Variants in USP25 observed in about 807,000 individuals in gnomAD.
The protein encoded by USP25 is ubiquitin carboxyl-terminal hydrolase 25.
USP25 carries 85 observed loss-of-function variants against 158.5 expected under a neutral mutation model. The ratio of observed to expected loss-of-function variants is 0.54; its 90% CI spans 0.45 to 0.64. USP25 has a LOEUF of 0.64. USP25 is among the 30% of genes least tolerant of loss of function. The probability of loss-of-function intolerance (pLI) is 0.00; values close to 1 mark genes in which losing one functional copy is unlikely to be tolerated. For missense variants in USP25, 1,242 were observed against 1,327.3 expected (o/e 0.94, Z 1.00); for synonymous variants, 464 against 460.4 (o/e 1.01, Z -0.10).
chr21:15,775,180 T>G (rs552953287), intron 3 of USP25, among the ~76,000 whole-genome samples: 54 of 152,302 alleles, frequency 3.5e-4, no homozygotes, highest in Middle Eastern at 3.4e-3. Flanking sequence ...AAACATCTTG[T>G]TTTTTGCTTT....
rs1568882443 is a variant in USP25, at chr21:15,846,141, TATATATATATATATA to T, written c.2338-1521_2338-1507del. Among the ~76,000 whole-genome samples, 46 of 59,318 alleles carry T rather than the reference TATATATATATATATA, an allele frequency of 7.8e-4. 1 individual carries two copies. Among genetic ancestry groups the T allele is most frequent in the Non-Finnish European group, 1.1e-3 (35 of 31,626 alleles). 38.9% of individuals were successfully genotyped at this position (59,318 alleles called of 152,430 possible). A position where few individuals can be genotyped will look rare whatever the true frequency, so the allele number is the denominator to read the frequency against. The stretch of plus-strand genomic sequence containing the variant: ...GTGTGTGTATATATATATATATATA[TATATATATATATATA>T]TATTTTTTTTTTTTTTTTTTTTTTG... On this transcript the variant is annotated intron_variant, in intron 18 of 25. Transcript: ENST00000400183.
intron 3 of USP25, among the ~76,000 whole-genome samples, chr21:15,776,951 T>C (rs1311106419): frequency 1.3e-5 from 2 of 152,188 alleles, no homozygotes; most frequent in African/African-American, 4.8e-5. Context: ...AGTTTCTCTT[T>C]CTGATCATAT....
chr21:15,840,669 AC>A, intron 17 of USP25, among the ~76,000 whole-genome samples: 1 of 152,150 alleles, frequency 6.6e-6, no homozygotes, highest in Non-Finnish European at 1.5e-5. Flanking sequence ...ATGGAAGGAA[AC>A]CTTGGCCCTG....
At chr21:15,750,979 T>C (rs1431927003) in intron 1 of USP25, among the ~76,000 whole-genome samples, 1 of 152,150 alleles carries the variant, frequency 6.6e-6, no homozygotes, top group Non-Finnish European at 1.5e-5. Flanking sequence ...ACAGAAATTG[T>C]TTTCAAGGAA....
intron 4 of USP25, among the ~76,000 whole-genome samples, chr21:15,782,504 G>T (rs1004724913): frequency 7.9e-5 from 12 of 152,272 alleles, no homozygotes; most frequent in African/African-American, 2.9e-4. Flanking sequence ...AGAGACAGTC[G>T]TACAACCTTT....
rs1176333978 is a variant in USP25 at position 15,875,559 on chromosome 21, C to T, written c.3009+1033C>T. ...TAATTGTTTGTTCTGGAATAAGTGC[C>T]ATTATGAGAAATATGCACAATGATA... is the stretch of plus-strand genomic sequence containing the variant. On this transcript the variant is annotated intron_variant, in intron 24 of 25. Coordinates refer to ENST00000400183, the MANE Select transcript of USP25 (RefSeq NM_001283041.3). This position sits in a 1 kb window ranked among gnomAD's most constrained non-coding sequence, Gnocchi z 4.7. Among the ~76,000 whole-genome samples, 3 of 152,106 alleles carry T rather than the reference C, an allele frequency of 2.0e-5. No individual in the cohort carries two copies. The highest frequency in any genetic ancestry group is 4.4e-5 in the Non-Finnish European group (3 of 68,018).
In USP25 at chr21:15,879,210, A is replaced by G. The variant is rs2040207139; in HGVS notation, c.*735A>G. The G allele has an allele frequency of 6.6e-6, 1 of 152,442 alleles. No homozygotes were observed. The highest frequency in any genetic ancestry group is 1.5e-5 in the Non-Finnish European group (1 of 67,956). 9.4% of individuals were successfully genotyped at this position (152,442 alleles called of 1,614,324 possible). ...ACTGAAACTTTTATCCTTTTCTTAGATTAATCTTACTTTTTAAATGTATTT... is the reference window on the plus strand; with the variant it reads ...ACTGAAACTTTTATCCTTTTCTTAGGTTAATCTTACTTTTTAAATGTATTT... On this transcript the variant is annotated 3_prime_UTR_variant, in exon 26 of 26. Transcript: ENST00000400183.
Position 15,843,338 on chromosome 21 carries a change from G to A in USP25, c.2337+798G>A, listed in dbSNP as rs1303449082. The stretch of plus-strand genomic sequence containing the variant: ...TCCCCTTGACAACTAAAAAGAGTAC[G>A]ACATATCATAATTTTACAACACGTA... On this transcript the variant is annotated intron_variant, in intron 18 of 25. Transcript: ENST00000400183. This position sits in a 1 kb window ranked among gnomAD's most constrained non-coding sequence, Gnocchi z 4.0. 1.3e-5 allele frequency among the ~76,000 whole-genome samples: 2 copies of A among 152,060 alleles called. No individual in the cohort carries two copies. The highest frequency in any genetic ancestry group is 2.9e-5 in the Non-Finnish European group (2 of 67,988).
chr21:15,805,339 G>A, intron 7 of USP25, 81 bp downstream of exon 7: 2 of 1,293,472 alleles, frequency 1.5e-6, no homozygotes, highest in Non-Finnish European at 2.0e-6. Flanking sequence ...AAGAATATGA[G>A]ACTATTTGAG....
At chr21:15,785,323 T>G (rs2035209984) in intron 4 of USP25, among the ~76,000 whole-genome samples, 1 of 152,166 alleles carries the variant, frequency 6.6e-6, no homozygotes, top group South Asian at 2.1e-4. Context: ...CATCCCACTT[T>G]TAACAGTAGA....
chr21:15,804,844 C>T (rs572709102), intron 6 of USP25, among the ~76,000 whole-genome samples: 1 of 152,218 alleles, frequency 6.6e-6, no homozygotes, highest in East Asian at 1.9e-4. Context: ...GGAAGATATT[C>T]TTGGCTGAGT....
intron 6 of USP25, among the ~76,000 whole-genome samples, chr21:15,801,397 T>G (rs2036127553): frequency 1.3e-5 from 2 of 151,716 alleles, no homozygotes; most frequent in East Asian, 3.9e-4. Flanking sequence ...GGTTAGCCTC[T>G]CCAGGTGTCC....
chr21:15,781,557 G>T (rs2034965267), intron 4 of USP25, among the ~76,000 whole-genome samples: 1 of 152,076 alleles, frequency 6.6e-6, no homozygotes, highest in South Asian at 2.1e-4. Context: ...AGTTTATTTT[G>T]TCTGGAGTGA....
chr21:15,783,531 AT>A (rs1339804507), intron 4 of USP25, among the ~76,000 whole-genome samples: 3 of 152,216 alleles, frequency 2.0e-5, no homozygotes, highest in East Asian at 1.9e-4. Flanking sequence ...CTGTCAGTAC[AT>A]TTCTCAGCAG....
chr21:15,771,752 T>G (rs554049649), intron 3 of USP25, among the ~76,000 whole-genome samples: 84 of 152,158 alleles, frequency 5.5e-4, no homozygotes, highest in African/African-American at 1.9e-3. Flanking sequence ...GATCTGTCAG[T>G]TTTTGTATGT....
At chr21:15,758,154 C>G (rs1345377578) in intron 1 of USP25, among the ~76,000 whole-genome samples, 3 of 152,164 alleles carry the variant, frequency 2.0e-5, no homozygotes, top group Admixed American at 1.3e-4. Flanking sequence ...GCCTGGACAT[C>G]TTCATTATTA....
At chr21:15,747,817 T>C (rs1332479462) in intron 1 of USP25, among the ~76,000 whole-genome samples, 3 of 152,234 alleles carry the variant, frequency 2.0e-5, no homozygotes, top group Admixed American at 6.5e-5. Flanking sequence ...ATTTTTGGAC[T>C]ACGCTTGATC....
chr21:15,776,595 T>TA (rs1212150494), intron 3 of USP25, among the ~76,000 whole-genome samples: 2 of 151,852 alleles, frequency 1.3e-5, no homozygotes, highest in Non-Finnish European at 2.9e-5. Flanking sequence ...TTTCCTCTTC[T>TA]AAAATTGTAT....
At position 15,864,493 on chromosome 21, in the gene USP25, T is replaced by A. The variant is rs1355128294; in HGVS notation, c.2726+47T>A. 1.1e-5 allele frequency: 17 copies of A among 1,499,726 alleles called. No individual in the cohort carries two copies. The Middle Eastern group carries it at 1.3e-3, about 111-fold the overall frequency. 92.9% of individuals were successfully genotyped at this position (1,499,726 alleles called of 1,614,324 possible). A position where few individuals can be genotyped will look rare whatever the true frequency, so the allele number is the denominator to read the frequency against. ...CATATGCTCAAATCGTTCTTTTTTT[T>A]TTTCCTGCAGATTCCCAGGATAATT... On this transcript the variant is annotated intron_variant, in intron 21 of 25. Coordinates refer to ENST00000400183, the MANE Select transcript of USP25 (RefSeq NM_001283041.3).
Sources: gnomAD v4.1 joint callset for allele counts (sites outside exome capture counted in the v4.1 genomes callset) on GRCh38, gnomAD v4.1.1 for gene constraint, Gnocchi (gnomAD v3.1) non-coding constraint, MANE v1.5 for transcripts, NCBI Gene and HGNC (gene_info 2026-07-23, HGNC 2026-07-21) for gene names.